PRKAR1B: variants seen among roughly 807,000 people sequenced by gnomAD.
PRKAR1B encodes the protein protein kinase cAMP-dependent type I regulatory subunit beta, also known as cAMP-dependent protein kinase type I-beta regulatory subunit.
Under a neutral mutation model 46.5 loss-of-function variants are expected in PRKAR1B, and 22 were observed. The observed-to-expected ratio is 0.47, with a 90% confidence interval of 0.34 to 0.68. The LOEUF is 0.68. Among genes scored for constraint, PRKAR1B ranks in the 30% least tolerant of loss-of-function variants. The pLI, the probability that PRKAR1B is intolerant of heterozygous loss-of-function variation, is 0.01. For missense variants in PRKAR1B, 445 were observed against 535.6 expected (o/e 0.83, Z 1.67); for synonymous variants, 259 against 217.7 (o/e 1.19, Z -1.67).
chr7:652,383 A>G (rs1465159492), intron 4 of PRKAR1B, among the ~76,000 whole-genome samples: 1 of 150,060 alleles, frequency 6.7e-6, no homozygotes, highest in African/African-American at 2.5e-5. Context: ...CCCTCTCGGA[A>G]GACAGTTCAC....
intron 7 of PRKAR1B, among the ~76,000 whole-genome samples, chr7:594,626 C>T (rs1025029846): frequency 2.0e-5 from 3 of 152,096 alleles, no homozygotes; most frequent in Admixed American, 6.5e-5. Flanking sequence ...CATAAGGGGA[C>T]ACCTCCAAAC....
intron 7 of PRKAR1B, among the ~76,000 whole-genome samples, chr7:586,821 AG>A: frequency 6.6e-6 from 1 of 152,176 alleles, no homozygotes; most frequent in South Asian, 2.1e-4. Flanking sequence ...CCCTGCTGCC[AG>A]GGACCCTCCC....
chr7:664,383 C>G (rs1364520095), intron 4 of PRKAR1B, among the ~76,000 whole-genome samples: 1 of 152,208 alleles, frequency 6.6e-6, no homozygotes, highest in Non-Finnish European at 1.5e-5. Context: ...GCCCTGGCAC[C>G]CTCCATCTGA....
intron 9 of PRKAR1B, among the ~76,000 whole-genome samples, chr7:558,037 G>A (rs890609264): frequency 6.6e-6 from 1 of 152,168 alleles, no homozygotes; most frequent in African/African-American, 2.4e-5. Context: ...AATCAGCTCA[G>A]ACGTAGTGGC....
intron 1 of PRKAR1B, among the ~76,000 whole-genome samples, chr7:717,535 G>A (rs1780924208): frequency 6.6e-6 from 1 of 151,978 alleles, no homozygotes; most frequent in Non-Finnish European, 1.5e-5. Flanking sequence ...GTGCACACCT[G>A]TAGTCCCAGC....
chr7:653,767 G>A (rs1473133703), intron 4 of PRKAR1B, among the ~76,000 whole-genome samples: 1 of 152,090 alleles, frequency 6.6e-6, no homozygotes, highest in Non-Finnish European at 1.5e-5. Context: ...ACAACAAGAG[G>A]CCAAATGGGT....
At chr7:603,745 G>GGA (rs1781803744) in intron 6 of PRKAR1B, among the ~76,000 whole-genome samples, 1 of 124,904 alleles carries the variant, frequency 8.0e-6, no homozygotes, top group Non-Finnish European at 1.7e-5. Context: ...AGTGGAGAGG[G>GGA]TGGGGGAGGA....
At chr7:691,454 C>G (rs1779420368) in intron 2 of PRKAR1B, 1 of 1,294,434 alleles carries the variant, frequency 7.7e-7, no homozygotes, top group African/African-American at 1.5e-5. Flanking sequence ...AGTGCCTCCA[C>G]TCCCACGGAT....
rs565595439 is a variant in PRKAR1B, at chr7:658,658, TG to T, written c.440+18570del. On this transcript the variant is annotated intron_variant, in intron 4 of 10. Transcript: ENST00000537384. ...CCACGATAAAATGTTTTTTGTTTTTTGGGTTTTTTTGAGATAGAGTCTTACT... is the reference window on the plus strand; with the variant it reads ...CCACGATAAAATGTTTTTTGTTTTTTGGTTTTTTTGAGATAGAGTCTTACT... 6.8e-3 allele frequency among the ~76,000 whole-genome samples: 1,029 copies of T among 152,258 alleles called. 12 individuals carry two copies. Among genetic ancestry groups the T allele is most frequent in the African/African-American group, 0.024 (977 of 41,540 alleles).
At chr7:595,473 C>T (rs1010139273) in intron 7 of PRKAR1B, among the ~76,000 whole-genome samples, 2 of 152,198 alleles carry the variant, frequency 1.3e-5, no homozygotes, top group Non-Finnish European at 2.9e-5. Flanking sequence ...CAGACCTGCA[C>T]CCAGAACAGG....
chr7:623,456 A>G (rs1404440437), intron 4 of PRKAR1B, among the ~76,000 whole-genome samples: 1 of 152,194 alleles, frequency 6.6e-6, no homozygotes, highest in Admixed American at 6.5e-5. Flanking sequence ...AGAACCGATC[A>G]CCCACCATAA....
At chr7:658,523 C>T (rs1785328630) in intron 4 of PRKAR1B, among the ~76,000 whole-genome samples, 2 of 152,112 alleles carry the variant, frequency 1.3e-5, no homozygotes, top group African/African-American at 2.4e-5. Context: ...AGATCAGGGT[C>T]GGGAGAAAGT....
chr7:556,258 A>G lies in PRKAR1B; in HGVS notation c.892-4788T>C, dbSNP rs146610853. Among the ~76,000 whole-genome samples the G allele has an allele frequency of 5.1e-3, 773 of 152,052 alleles. 4 individuals carry two copies. The highest frequency in any genetic ancestry group is 0.017 in the African/African-American group (718 of 41,452). On this transcript the variant is annotated intron_variant, in intron 9 of 10. Coordinates refer to ENST00000537384, the MANE Select transcript of PRKAR1B (RefSeq NM_001164760.2). ...CCCACCACGTGCCAGGCACCGTTTT[A>G]GGCCACGGAGGAAACTTCTGGAAAC...
rs34846168 is a variant in PRKAR1B at position 657,266 on chromosome 7, CGGATGGAT to C, written c.440+19955_440+19962del. Among the ~76,000 whole-genome samples the C allele has an allele frequency of 2.0e-3, 197 of 98,818 alleles. 1 individual carries two copies. Among genetic ancestry groups the C allele is most frequent in the Middle Eastern group, 5.3e-3 (1 of 188 alleles). 64.8% of individuals were successfully genotyped at this position (98,818 alleles called of 152,430 possible). A position where few individuals can be genotyped will look rare whatever the true frequency, so the allele number is the denominator to read the frequency against. ...ATGAATGGATGGATGAATGGACGGA[CGGATGGAT>C]GGATGGATGGATGGATGGATGGATG... On this transcript the variant is annotated intron_variant, in intron 4 of 10. Coordinates refer to ENST00000537384, the MANE Select transcript of PRKAR1B (RefSeq NM_001164760.2).
chr7:632,732 G>C (rs1017973241), intron 4 of PRKAR1B, among the ~76,000 whole-genome samples: 1 of 152,306 alleles, frequency 6.6e-6, no homozygotes, highest in East Asian at 1.9e-4. Context: ...ACTCTCTACC[G>C]GATGTTCCTG....
At chr7:564,275 C>T (rs770137524) in intron 9 of PRKAR1B, among the ~76,000 whole-genome samples, 4 of 152,160 alleles carry the variant, frequency 2.6e-5, no homozygotes, top group Non-Finnish European at 5.9e-5. Context: ...GGACACAGGC[C>T]GCCGCCCCCA....
At chr7:570,150 C>T (rs1779412079) in intron 9 of PRKAR1B, among the ~76,000 whole-genome samples, 1 of 152,210 alleles carries the variant, frequency 6.6e-6, no homozygotes, top group Admixed American at 6.5e-5. Flanking sequence ...ATCTCACCTG[C>T]CCTGACCCGC....
At chr7:678,019 C>T (rs1352458948) in intron 3 of PRKAR1B, among the ~76,000 whole-genome samples, 1 of 152,184 alleles carries the variant, frequency 6.6e-6, no homozygotes, top group East Asian at 1.9e-4. Context: ...GCCTGTAATC[C>T]CAGCACTTTG....
At chr7:591,333 A>C (rs1780963923) in intron 7 of PRKAR1B, among the ~76,000 whole-genome samples, 1 of 152,204 alleles carries the variant, frequency 6.6e-6, no homozygotes, top group Admixed American at 6.5e-5. Flanking sequence ...CGGCATCCCC[A>C]AGGGGGGCTT....
Sources: gnomAD v4.1 joint callset for allele counts (sites outside exome capture counted in the v4.1 genomes callset) on GRCh38, gnomAD v4.1.1 for gene constraint, MANE v1.5 for transcripts, NCBI Gene and HGNC (gene_info 2026-07-23, HGNC 2026-07-21) for gene names.